The following RANBP2 variants were observed in gnomAD, a reference collection of about 807,000 sequenced individuals.
RANBP2 encodes the protein E3 SUMO-protein ligase RanBP2.
Under a neutral mutation model 303.6 loss-of-function variants are expected in RANBP2, and 57 were observed. The observed-to-expected ratio is 0.19, with a 90% CI of 0.15 to 0.23. The LOEUF (loss-of-function observed/expected upper bound fraction) is 0.23, where lower values mean the gene tolerates loss of function less well. Among genes scored for constraint, RANBP2 ranks in the 10% least tolerant of loss-of-function variants. The pLI is 1.00. For synonymous variants in RANBP2, 1,167 were observed against 1,301.5 expected (o/e 0.90, Z 2.23); for missense variants, 3,138 against 3,780.8 (o/e 0.83, Z 4.46).
At chr2:108,729,331 C>T (rs1257793313) in intron 2 of RANBP2, 132 bp downstream of exon 2, 1 of 1,085,730 alleles carries the variant, frequency 9.2e-7, no homozygotes, top group African/African-American at 1.6e-5. Flanking sequence ...ATTTATCACT[C>T]AGACTGATGC....
the RANBP2 span, among the ~76,000 whole-genome samples, chr2:109,366,118 T>C: frequency 1.3e-5 from 2 of 152,220 alleles, no homozygotes; most frequent in Non-Finnish European, 2.9e-5. Context: ...TTCTATCTCC[T>C]AGAGTTATCC....
the RANBP2 span, among the ~76,000 whole-genome samples, chr2:109,774,561 G>T: frequency 1.1e-4 from 7 of 66,298 alleles, no homozygotes; most frequent in Admixed American, 1.9e-4. Flanking sequence ...ATATATATAT[G>T]TATGTAAATG....
At chr2:109,052,042 C>T in the RANBP2 span, among the ~76,000 whole-genome samples, 1 of 152,240 alleles carries the variant, frequency 6.6e-6, no homozygotes, top group Admixed American at 6.5e-5. Context: ...GCCACCACGC[C>T]TGGACTAGCC....
At chr2:109,391,077 C>T in the RANBP2 span, among the ~76,000 whole-genome samples, 1 of 152,206 alleles carries the variant, frequency 6.6e-6, no homozygotes, top group Non-Finnish European at 1.5e-5. Flanking sequence ...TTTGTCCAGT[C>T]CATAAGAGGG....
At chr2:108,773,104 A>T (rs1411307381) in intron 23 of RANBP2, 58 bp downstream of exon 23, 1 of 1,489,918 alleles carries the variant, frequency 6.7e-7, no homozygotes, top group Admixed American at 1.9e-5. Context: ...TGATGCAGTA[A>T]ACTTTAGAAT....
At chr2:108,783,471 CAG>C in intron 28 of RANBP2, 123 bp from the exon 29 acceptor site, 1 of 649,666 alleles carries the variant, frequency 1.5e-6, no homozygotes. Flanking sequence ...AAACTATACT[CAG>C]GAAAGCTGGG....
the RANBP2 span, among the ~76,000 whole-genome samples, chr2:109,419,919 C>T: frequency 2.0e-5 from 3 of 152,292 alleles, no homozygotes; most frequent in East Asian, 5.8e-4. Flanking sequence ...GAGGAGCCAG[C>T]CATAGTGTGG....
the RANBP2 span, among the ~76,000 whole-genome samples, chr2:108,880,814 C>G: frequency 2.0e-5 from 3 of 152,196 alleles, no homozygotes; most frequent in Non-Finnish European, 4.4e-5. Context: ...CCAAAGAGCT[C>G]TACCATGGAC....
Position 108,753,988 on chromosome 2 carries a change from T to G in RANBP2, c.2202+17T>G, listed in dbSNP as rs1317354269. On this transcript the variant is annotated intron_variant, in intron 15 of 28. Coordinates refer to ENST00000283195, the MANE Select transcript of RANBP2 (RefSeq NM_006267.5). Reference sequence around the variant, plus strand: ...GTCAAGAAAGTAAGTAGCAGGTTGTTGTATGTACGTTCTTACTGATAACCC... The same window carrying G: ...GTCAAGAAAGTAAGTAGCAGGTTGTGGTATGTACGTTCTTACTGATAACCC... 3 of 1,611,632 alleles carry G rather than the reference T, an allele frequency of 1.9e-6. No homozygotes were observed. The highest frequency in any genetic ancestry group is 2.5e-6 in the Non-Finnish European group (3 of 1,179,710).
chr2:108,724,968 T>TA (rs1004201988), intron 1 of RANBP2, among the ~76,000 whole-genome samples: 28 of 150,596 alleles, frequency 1.9e-4, no homozygotes, highest in African/African-American at 6.1e-4. Flanking sequence ...CCATCTGAAT[T>TA]AAAAAAAAAA....
At chr2:109,386,552 G>A in the RANBP2 span, among the ~76,000 whole-genome samples, 7 of 152,178 alleles carry the variant, frequency 4.6e-5, 1 homozygote, top group African/African-American at 7.2e-5. Flanking sequence ...CTTGGTTTGC[G>A]GCCCTTGAGT....
At chr2:108,783,549 T>C (rs1443904064) in intron 28 of RANBP2, 47 bp from the exon 29 acceptor site, 1 of 1,432,520 alleles carries the variant, frequency 7.0e-7, no homozygotes, top group African/African-American at 1.5e-5. Flanking sequence ...GGATTCCTAT[T>C]AATTGAAAAA....
At chr2:109,489,415 A>T in the RANBP2 span, among the ~76,000 whole-genome samples, 1 of 152,204 alleles carries the variant, frequency 6.6e-6, no homozygotes, top group Non-Finnish European at 1.5e-5. Context: ...CTCTTAGACA[A>T]CCAGACCCCA....
chr2:108,739,086 A>G (rs1167840918), intron 6 of RANBP2, among the ~76,000 whole-genome samples: 1 of 152,094 alleles, frequency 6.6e-6, no homozygotes, highest in South Asian at 2.1e-4. Context: ...CTGTAAAACT[A>G]TTACATGTCA....
At chr2:109,614,075 C>G in the RANBP2 span, 1 of 1,211,698 alleles carries the variant, frequency 8.3e-7, no homozygotes, top group South Asian at 4.3e-5. Flanking sequence ...ACAGGAGCTA[C>G]CCTCGACGCC....
the RANBP2 span, among the ~76,000 whole-genome samples, chr2:109,400,396 GCACATATA>G: frequency 1.3e-5 from 2 of 151,842 alleles, no homozygotes; most frequent in South Asian, 2.1e-4. Context: ...ACACATGCAC[GCACATATA>G]CACATATACA....
chr2:108,917,559 A>T, the RANBP2 span, among the ~76,000 whole-genome samples: 1 of 152,224 alleles, frequency 6.6e-6, no homozygotes, highest in Non-Finnish European at 1.5e-5. Context: ...AATTGAAAGA[A>T]GAACAAGCAT....
chr2:108,762,797 A>AT lies in RANBP2; in HGVS notation c.2698-440_2698-439insT, dbSNP rs1373381608. On this transcript the variant is annotated intron_variant, in intron 19 of 28. Coordinates refer to ENST00000283195, the MANE Select transcript of RANBP2 (RefSeq NM_006267.5). Reference sequence around the variant, plus strand: ...CATTAATAAATGCTCAATAAATGTTACCATCATCATCATCATCATCATCAT... The same window carrying AT: ...CATTAATAAATGCTCAATAAATGTTATCCATCATCATCATCATCATCATCAT... 2.0e-3 allele frequency among the ~76,000 whole-genome samples: 292 copies of AT among 144,670 alleles called. 2 individuals carry two copies. The highest frequency in any genetic ancestry group is 7.5e-3 in the African/African-American group (281 of 37,544). The allele number at this position is 144,670 out of a possible 152,430, so 94.9% of individuals were successfully genotyped here.
At chr2:109,446,989 G>C in the RANBP2 span, among the ~76,000 whole-genome samples, 1 of 151,838 alleles carries the variant, frequency 6.6e-6, no homozygotes, top group Non-Finnish European at 1.5e-5. Context: ...AATAAATCTC[G>C]AGGAGCGGCC....
Sources: gnomAD v4.1 joint callset for allele counts (sites outside exome capture counted in the v4.1 genomes callset) on GRCh38, gnomAD v4.1.1 for gene constraint, MANE v1.5 for transcripts, NCBI Gene and HGNC (gene_info 2026-07-23, HGNC 2026-07-21) for gene names.